Variants in ZBED4 observed in about 807,000 individuals in gnomAD.
ZBED4 encodes zinc finger BED-type containing 4.
ZBED4 carries 4 observed loss-of-function variants against 15.5 expected under a neutral mutation model. That is an observed-to-expected ratio of 0.26 (90% CI 0.13 to 0.59). The LOEUF is 0.59. Ranked by LOEUF, ZBED4 falls within the 20% of genes least tolerant of loss-of-function variation. The pLI is 0.90. For missense variants in ZBED4, 1,323 were observed against 1,461.8 expected (o/e 0.91, Z 1.55); for synonymous variants, 692 against 608.5 (o/e 1.14, Z -2.02).
intron 1 of ZBED4, among the ~76,000 whole-genome samples, chr22:49,878,172 A>G (rs2147533207): frequency 6.6e-6 from 1 of 152,134 alleles, no homozygotes; most frequent in Non-Finnish European, 1.5e-5. Context: ...AGACGTGGTG[A>G]CAGGCACCTG....
chr22:49,888,047 G>A lies in ZBED4; in HGVS notation c.*869G>A, dbSNP rs939564345. On this transcript the variant is annotated 3_prime_UTR_variant, in exon 2 of 2. Coordinates refer to ENST00000216268, the MANE Select transcript of ZBED4 (RefSeq NM_014838.3). ...CTGACCCCCTTGTTTGATCAAATTT[G>A]TGTAAAATTTTTTTAGAAGAGATGG... 1 of 167,214 alleles carries A rather than the reference G, an allele frequency of 6.0e-6. No individual in the cohort carries two copies. The highest frequency in any genetic ancestry group is 1.5e-5 in the Non-Finnish European group (1 of 68,116). The allele number at this position is 167,214 out of a possible 1,614,324, so 10.4% of individuals were successfully genotyped here. A position where few individuals can be genotyped will look rare whatever the true frequency, so the allele number is the denominator to read the frequency against.
In ZBED4 at chr22:49,860,489, G is replaced by C. The variant is rs1351052118; in HGVS notation, c.-330+6500G>C. 5.9e-5 allele frequency among the ~76,000 whole-genome samples: 9 copies of C among 152,244 alleles called. No individual in the cohort carries two copies. In the East Asian group the frequency reaches 1.7e-3, roughly 29 times the overall value. On this transcript the variant is annotated intron_variant, in intron 1 of 1. Transcript: ENST00000216268. ...AGAAAACTGCTTAGTTAACTTTGCA[G>C]GTTTTTGTTGAGTTCTTTTTGTCCT...
chr22:49,880,133 C>T (rs1478140156), intron 1 of ZBED4, among the ~76,000 whole-genome samples: 1 of 78,952 alleles, frequency 1.3e-5, no homozygotes, highest in Non-Finnish European at 4.0e-5. Context: ...TTGAGGCTGG[C>T]GTTTAAGCTG....
intron 1 of ZBED4, among the ~76,000 whole-genome samples, chr22:49,864,950 C>CTCCCG (rs1555922815): frequency 1.3e-5 from 1 of 74,736 alleles, no homozygotes; most frequent in South Asian, 6.0e-4. Flanking sequence ...CCCCCCCCCC[C>CTCCCG]CCGTGAAGTC....
chr22:49,870,474 C>T (rs550809778), intron 1 of ZBED4, among the ~76,000 whole-genome samples: 3 of 152,268 alleles, frequency 2.0e-5, no homozygotes, highest in South Asian at 2.1e-4. Context: ...TCTCTGTAGC[C>T]TCTCCAGCAT....
intron 1 of ZBED4, among the ~76,000 whole-genome samples, chr22:49,861,728 T>C (rs946210928): frequency 6.6e-6 from 1 of 152,202 alleles, no homozygotes; most frequent in Non-Finnish European, 1.5e-5. Context: ...TGAGCTGCCG[T>C]GGCTGGCCCC....
intron 1 of ZBED4, among the ~76,000 whole-genome samples, chr22:49,859,369 C>G (rs1302538443): frequency 2.6e-5 from 4 of 151,946 alleles, no homozygotes; most frequent in African/African-American, 9.7e-5. Context: ...CTAGTAAAGC[C>G]TTTTGTTTTG....
At position 49,884,451 on chromosome 22, in the gene ZBED4, C is replaced by T. The variant is rs776139635; in HGVS notation, c.789C>T (p.Tyr263=). ...GSSPHLPALH[Y]DEPAENLAEK... The stretch of plus-strand genomic sequence containing the variant: ...CTCCCCACCTCCCTGCTCTCCATTA[C>T]GATGAACCTGCAGAGAACTTAGCGG... Residue 263 remains tyrosine, a synonymous_variant, in exon 2 of 2, where the codon TAC becomes TAT. Coordinates refer to ENST00000216268, the MANE Select transcript of ZBED4 (RefSeq NM_014838.3). 38 of 1,614,092 alleles carry T rather than the reference C, an allele frequency of 2.4e-5. No homozygotes were observed. Among genetic ancestry groups the T allele is most frequent in the African/African-American group, 8.0e-5 (6 of 74,944 alleles).
At chr22:49,864,184 C>G (rs1217837850) in intron 1 of ZBED4, among the ~76,000 whole-genome samples, 2 of 152,228 alleles carry the variant, frequency 1.3e-5, no homozygotes, top group East Asian at 3.8e-4. Context: ...GCAGGGCGTT[C>G]ACATGGGTGT....
At position 49,887,300 on chromosome 22, in the gene ZBED4, G is replaced by A. The variant is rs991031134; in HGVS notation, c.*122G>A. The A allele has an allele frequency of 1.7e-5, 18 of 1,036,104 alleles. No individual in the cohort carries two copies. Among genetic ancestry groups the A allele is most frequent in the East Asian group, 1.0e-4 (4 of 39,156 alleles). The allele number at this position is 1,036,104 out of a possible 1,614,324, so 64.2% of individuals were successfully genotyped here. A position where few individuals can be genotyped will look rare whatever the true frequency, so the allele number is the denominator to read the frequency against. ...CATCAGACCAGGCACTCTCAGGGCC[G>A]CTCTCCAGCTCACCACAGTGTCTCC... On this transcript the variant is annotated 3_prime_UTR_variant, in exon 2 of 2. Coordinates refer to ENST00000216268, the MANE Select transcript of ZBED4 (RefSeq NM_014838.3).
At chr22:49,867,158 C>T (rs566440424) in intron 1 of ZBED4, among the ~76,000 whole-genome samples, 1 of 152,320 alleles carries the variant, frequency 6.6e-6, no homozygotes, top group South Asian at 2.1e-4. Context: ...TTGTTTTTCA[C>T]CCGTGAGTTA....
intron 1 of ZBED4, among the ~76,000 whole-genome samples, chr22:49,873,785 A>G (rs1159739625): frequency 6.6e-6 from 1 of 152,194 alleles, no homozygotes; most frequent in Non-Finnish European, 1.5e-5. Flanking sequence ...CTAGAATGAG[A>G]TGTCTGTTTT....
chr22:49,857,396 G>C (rs938860484), intron 1 of ZBED4, among the ~76,000 whole-genome samples: 1 of 152,244 alleles, frequency 6.6e-6, no homozygotes, highest in African/African-American at 2.4e-5. Context: ...TGACCCTGTC[G>C]TGTGACCCAG....
chr22:49,858,147 C>T lies in ZBED4; in HGVS notation c.-330+4158C>T, dbSNP rs548349966. 5.3e-5 allele frequency among the ~76,000 whole-genome samples: 8 copies of T among 152,182 alleles called. No homozygotes were observed. The East Asian group carries it at 1.5e-3, about 29-fold the overall frequency. On this transcript the variant is annotated intron_variant, in intron 1 of 1. Transcript: ENST00000216268. ...AAACTCCTGACCTTAGGTGATCCAC[C>T]CGCCTTTGCCTCCCAAAGGGCTGGG...
chr22:49,855,044 T>A (rs1214712858), intron 1 of ZBED4, among the ~76,000 whole-genome samples: 1 of 152,222 alleles, frequency 6.6e-6, no homozygotes, highest in East Asian at 1.9e-4. Context: ...ATGAATTAAT[T>A]GCAATTACTA....
chr22:49,879,403 A>T (rs1601798190), intron 1 of ZBED4, among the ~76,000 whole-genome samples: 1 of 152,030 alleles, frequency 6.6e-6, no homozygotes, highest in East Asian at 2.0e-4. Context: ...CTGCGATTAC[A>T]GGTGTGAGCC....
At position 49,885,574 on chromosome 22, in the gene ZBED4, G is replaced by A. The variant is rs371316523; in HGVS notation, c.1912G>A (p.Ala638Thr). 40 of 1,602,982 alleles carry A rather than the reference G, an allele frequency of 2.5e-5. No homozygotes were observed. Among genetic ancestry groups the A allele is most frequent in the African/African-American group, 4.0e-5 (3 of 74,546 alleles). ...RVPRGTELSGASSFDDTNEKF... is the reference protein window; with the variant it reads ...RVPRGTELSGTSSFDDTNEKF... The stretch of plus-strand genomic sequence containing the variant: ...GCCGCGGGGCACAGAATTATCAGGC[G>A]CTTCCTCTTTTGATGACACCAATGA... The change falls in exon 2 of 2, where the codon GCT becomes ACT. Residue 638 changes from alanine (A) to threonine (T), a missense_variant. Transcript: ENST00000216268.
intron 1 of ZBED4, among the ~76,000 whole-genome samples, chr22:49,857,331 G>C (rs1000652841): frequency 2.0e-5 from 3 of 152,230 alleles, no homozygotes; most frequent in African/African-American, 7.2e-5. Context: ...ACACGGCGAG[G>C]GTGCTGGTGT....
At chr22:49,876,511 T>G (rs925418536) in intron 1 of ZBED4, among the ~76,000 whole-genome samples, 2 of 152,182 alleles carry the variant, frequency 1.3e-5, no homozygotes, top group African/African-American at 4.8e-5. Flanking sequence ...CCTTATAATT[T>G]TGTGATGTTG....
Sources: allele counts gnomAD v4.1 joint callset (sites outside exome capture counted in the v4.1 genomes callset), GRCh38; gene constraint gnomAD v4.1.1; transcripts MANE v1.5; gene names NCBI Gene and HGNC (gene_info 2026-07-23, HGNC 2026-07-21).